Variants in NGEF observed in about 807,000 individuals in gnomAD.
The protein encoded by NGEF is neuronal guanine nucleotide exchange factor, also known as ephexin-1.
In NGEF, 31 loss-of-function variants were observed where a neutral mutation model predicts 80.9. That is an observed-to-expected ratio of 0.38 (90% confidence interval 0.29 to 0.52). The LOEUF is 0.52. Among genes scored for constraint, NGEF ranks in the 20% least tolerant of loss-of-function variants. NGEF has a pLI of 0.84. For missense variants in NGEF, 709 were observed against 926.2 expected (o/e 0.77, Z 3.04); for synonymous variants, 371 against 370.2 (o/e 1.00, Z -0.03).
intron 3 of NGEF, chr2:232,927,846 G>A: frequency 8.3e-7 from 1 of 1,199,876 alleles, no homozygotes; most frequent in Non-Finnish European, 1.0e-6. Flanking sequence ...TGGGAAAGAG[G>A]CACGCGGGGG....
intron 1 of NGEF, among the ~76,000 whole-genome samples, chr2:232,989,342 G>A (rs1377182768): frequency 6.6e-6 from 1 of 152,152 alleles, no homozygotes; most frequent in East Asian, 1.9e-4. Flanking sequence ...CAGCTACTCA[G>A]GAGGCTGAGG....
At chr2:232,931,591 T>G (rs1045014000) in intron 3 of NGEF, among the ~76,000 whole-genome samples, 4 of 152,220 alleles carry the variant, frequency 2.6e-5, no homozygotes, top group African/African-American at 7.2e-5. Flanking sequence ...AAGGGTGTGA[T>G]GGACAGACCA....
intron 1 of NGEF, among the ~76,000 whole-genome samples, chr2:233,010,825 T>A (rs929886531): frequency 6.6e-6 from 1 of 151,842 alleles, no homozygotes; most frequent in African/African-American, 2.4e-5. Flanking sequence ...CCTTCTGGGG[T>A]GGGTCCTCCA....
rs551897450 is a variant in NGEF at position 232,923,822 on chromosome 2, C to T, written c.526+3222G>A. On this transcript the variant is annotated intron_variant, in intron 4 of 14. Transcript: ENST00000264051. ...AGTGGTGTGAGTGCTGGTGTCCCCC[C>T]AGATTCGTATGTTGGAACCTAATAC... is the stretch of plus-strand genomic sequence containing the variant. 3.9e-5 allele frequency among the ~76,000 whole-genome samples: 6 copies of T among 152,302 alleles called. No individual in the cohort carries two copies. The East Asian group carries it at 9.7e-4, about 25-fold the overall frequency.
In NGEF at chr2:232,932,174, T is replaced by C. The variant is rs192712582; in HGVS notation, c.384-4988A>G. Among the ~76,000 whole-genome samples the C allele has an allele frequency of 3.5e-3, 517 of 149,034 alleles. 9 individuals carry two copies. Among genetic ancestry groups the C allele is most frequent in the African/African-American group, 0.012 (490 of 40,468 alleles). On this transcript the variant is annotated intron_variant, in intron 3 of 14. Coordinates refer to ENST00000264051, the MANE Select transcript of NGEF (RefSeq NM_019850.3). ...CCAGAATCACCTTTCTTTTTTTTTT[T>C]TTTTTTTTGAGACAGAATCTTGCTC...
At chr2:232,914,210 A>G (rs1433246901) in intron 5 of NGEF, among the ~76,000 whole-genome samples, 1 of 152,204 alleles carries the variant, frequency 6.6e-6, no homozygotes, top group East Asian at 1.9e-4. Context: ...AAAGCCTAAC[A>G]CATTTATTAT....
At chr2:232,896,033 T>C (rs1692046911) in intron 5 of NGEF, among the ~76,000 whole-genome samples, 1 of 102,966 alleles carries the variant, frequency 9.7e-6, no homozygotes, top group Non-Finnish European at 2.0e-5. Flanking sequence ...CACCTTCCTC[T>C]TCCCCGTCAC....
At chr2:232,927,986 GC>G in intron 3 of NGEF, 1 of 1,276,564 alleles carries the variant, frequency 7.8e-7, no homozygotes, top group South Asian at 2.6e-5. Flanking sequence ...GAAGGCAGCG[GC>G]CAGCAGCTCC....
intron 1 of NGEF, among the ~76,000 whole-genome samples, chr2:233,011,510 C>T (rs1695202181): frequency 6.6e-6 from 1 of 151,646 alleles, no homozygotes; most frequent in South Asian, 2.1e-4. Context: ...TCTGGGTGGC[C>T]CCACAACATC....
intron 5 of NGEF, among the ~76,000 whole-genome samples, chr2:232,907,417 A>C (rs1692591809): frequency 6.6e-6 from 1 of 152,196 alleles, no homozygotes; most frequent in South Asian, 2.1e-4. Flanking sequence ...AATAGACTGA[A>C]AAAAAGATCT....
At chr2:232,900,039 C>T (rs62647548) in intron 5 of NGEF, among the ~76,000 whole-genome samples, 4,742 of 87,786 alleles carry the variant, frequency 0.054, 5 homozygotes, top group Non-Finnish European at 0.071. Flanking sequence ...CACATTCACT[C>T]ACACACACAC....
rs373303179 is a variant in NGEF, at chr2:232,879,431, CCCA to C, written c.*55_*57del. ...CTGTGCTTCCCAGAGCCCCCCCCCC[CCCA>C]CCTTCTGTCGGGGTCTCATGCAGGC... On this transcript the variant is annotated 3_prime_UTR_variant, in exon 15 of 15. Coordinates refer to ENST00000264051, the MANE Select transcript of NGEF (RefSeq NM_019850.3). 5 of 1,408,632 alleles carry C rather than the reference CCCA, an allele frequency of 3.5e-6. No individual in the cohort carries two copies. In the East Asian group the frequency reaches 7.0e-5, roughly 20 times the overall value. The allele number at this position is 1,408,632 out of a possible 1,614,324, so 87.3% of individuals were successfully genotyped here. A position where few individuals can be genotyped will look rare whatever the true frequency, so the allele number is the denominator to read the frequency against.
intron 3 of NGEF, chr2:232,927,857 C>A: frequency 8.1e-7 from 1 of 1,238,232 alleles, no homozygotes; most frequent in African/African-American, 1.6e-5. Context: ...CACGCGGGGG[C>A]GGCGCGCCGG....
chr2:232,896,585 A>G (rs1327205781), intron 5 of NGEF, among the ~76,000 whole-genome samples: 2 of 74,400 alleles, frequency 2.7e-5, no homozygotes, highest in Non-Finnish European at 5.2e-5. Flanking sequence ...GGTAGGGGTG[A>G]GGGTGAGGGT....
chr2:232,885,654 C>T, intron 9 of NGEF: 1 of 422,486 alleles, frequency 2.4e-6, no homozygotes, highest in Non-Finnish European at 4.4e-6. Context: ...ATCCCTCCTC[C>T]TCTGTAGGCT....
chr2:232,927,992 A>T (rs748402598), intron 3 of NGEF: 1 of 1,229,450 alleles, frequency 8.1e-7, no homozygotes, highest in Non-Finnish European at 1.0e-6. Flanking sequence ...AGCGGCCAGC[A>T]GCTCCATAGG....
At chr2:232,895,149 C>T (rs1045197978) in intron 5 of NGEF, among the ~76,000 whole-genome samples, 3 of 152,188 alleles carry the variant, frequency 2.0e-5, no homozygotes, top group Admixed American at 6.5e-5. Flanking sequence ...TGACAGGGCA[C>T]GGAGGCTACT....
At chr2:232,887,743 C>T (rs553911403) in intron 9 of NGEF, among the ~76,000 whole-genome samples, 1 of 152,170 alleles carries the variant, frequency 6.6e-6, no homozygotes. Flanking sequence ...TGAAGAATGT[C>T]CTGAGAGCCA....
At chr2:232,930,618 G>A (rs1693197992) in intron 3 of NGEF, among the ~76,000 whole-genome samples, 1 of 152,104 alleles carries the variant, frequency 6.6e-6, no homozygotes, top group Admixed American at 6.5e-5. Context: ...TGGGATTATA[G>A]GTGTGAGCCA....
Sources: allele counts gnomAD v4.1 joint callset (sites outside exome capture counted in the v4.1 genomes callset), GRCh38; gene constraint gnomAD v4.1.1; transcripts MANE v1.5; gene names NCBI Gene and HGNC (gene_info 2026-07-23, HGNC 2026-07-21).